EXD2: variants seen among roughly 807,000 people sequenced by gnomAD.
EXD2 encodes the protein exonuclease 3'-5' domain containing 2.
Under a neutral mutation model 62.5 loss-of-function variants are expected in EXD2, and 40 were observed. The ratio of observed to expected loss-of-function variants is 0.64; its 90% CI spans 0.50 to 0.83. EXD2 has a LOEUF of 0.83. EXD2 is among the 40% of genes least tolerant of loss of function. EXD2 has a pLI of 0.00. For missense variants in EXD2, 671 were observed against 761.8 expected, an observed-to-expected ratio of 0.88 and a Z score of 1.40; for synonymous variants, 239 against 291.9, an observed-to-expected ratio of 0.82 and a Z score of 1.85.
intron 1 of EXD2, among the ~76,000 whole-genome samples, chr14:69,196,528 A>G (rs996600144): frequency 3.9e-5 from 6 of 152,098 alleles, no homozygotes; most frequent in Non-Finnish European, 7.4e-5. Flanking sequence ...GCTAGGTTAT[A>G]TAACTGCCAG....
chr14:69,242,206 A>C lies in EXD2; in HGVS notation c.*1106A>C, dbSNP rs1180281271. The C allele has an allele frequency of 5.1e-6, 2 of 395,988 alleles. No homozygotes were observed. The highest frequency in any genetic ancestry group is 4.1e-5 in the African/African-American group (2 of 48,596). The allele number at this position is 395,988 out of a possible 1,614,324, so 24.5% of individuals were successfully genotyped here. ...CTTATTAATGATTAGTAATTTTTCT[A>C]AAGTATTGGGAAAACTTTCTTATTT... On this transcript the variant is annotated 3_prime_UTR_variant, in exon 10 of 10. Coordinates refer to ENST00000685843, the MANE Select transcript of EXD2 (RefSeq NM_001193360.2).
At chr14:69,232,224 A>G (rs1178395642) in intron 5 of EXD2, among the ~76,000 whole-genome samples, 3 of 152,154 alleles carry the variant, frequency 2.0e-5, no homozygotes, top group Non-Finnish European at 4.4e-5. Context: ...GGGGAGGGAT[A>G]GTTGTCTGGC....
intron 1 of EXD2, among the ~76,000 whole-genome samples, chr14:69,192,620 T>TAA (rs1434932808): frequency 6.6e-6 from 1 of 152,208 alleles, no homozygotes; most frequent in African/African-American, 2.4e-5. Flanking sequence ...TCCCACAAAA[T>TAA]AAGAACTGTT....
intron 3 of EXD2, among the ~76,000 whole-genome samples, chr14:69,222,630 A>G (rs79527901): frequency 0.037 from 5,705 of 152,258 alleles, 118 homozygotes; most frequent in African/African-American, 0.06. Flanking sequence ...TATCCACCCC[A>G]GATATTGCAA....
intron 3 of EXD2, 97 bp downstream of exon 3, chr14:69,209,900 G>A (rs1594744077): frequency 1.9e-6 from 2 of 1,033,212 alleles, no homozygotes; most frequent in East Asian, 5.4e-5. Context: ...AAGGTTAAAG[G>A]AGAATGAATT....
chr14:69,192,538 G>A (rs565926753), intron 1 of EXD2, among the ~76,000 whole-genome samples: 3 of 151,626 alleles, frequency 2.0e-5, no homozygotes, highest in East Asian at 3.9e-4. Context: ...TGGTGGTGAG[G>A]GTGGGGAGTG....
rs2042402768 is a variant in EXD2, at chr14:69,201,672, G to GTTTTTTGTTTTTTTTTTTTTT, written c.-131-2239_-131-2238insGTTTTTTTTTTTTTTTTTTTT. On this transcript the variant is annotated intron_variant, in intron 1 of 9. Transcript: ENST00000685843. ...GTCTCTCTCAGCAAGTGTTTTCTCT[G>GTTTTTTGTTTTTTTTTTTTTT]TTTTTTTTTTTTTTTTTTTTTTTTT... Among the ~76,000 whole-genome samples the GTTTTTTGTTTTTTTTTTTTTT allele has an allele frequency of 1.5e-4, 9 of 59,022 alleles. 1 individual carries two copies. Among genetic ancestry groups the GTTTTTTGTTTTTTTTTTTTTT allele is most frequent in the African/African-American group, 6.1e-4 (9 of 14,712 alleles). The allele number at this position is 59,022 out of a possible 152,430, so 38.7% of individuals were successfully genotyped here.
At position 69,209,455 on chromosome 14, in the gene EXD2, AG is replaced by A; in HGVS notation, c.-15del. The A allele has an allele frequency of 6.8e-7, 1 of 1,480,646 alleles. No individual in the cohort carries two copies. Among genetic ancestry groups the A allele is most frequent in the Non-Finnish European group, 9.0e-7 (1 of 1,113,164 alleles). 91.7% of individuals were successfully genotyped at this position (1,480,646 alleles called of 1,614,324 possible). ...GGATTAGTGATATGCTTTTCTAAAG[AG>A]TAGAAAAGTCGAAGATGTCTAGACA... On this transcript the variant is annotated 5_prime_UTR_variant, in exon 3 of 10. Coordinates refer to ENST00000685843, the MANE Select transcript of EXD2 (RefSeq NM_001193360.2).
intron 3 of EXD2, among the ~76,000 whole-genome samples, chr14:69,219,448 T>G (rs993676870): frequency 6.6e-6 from 1 of 152,222 alleles, no homozygotes; most frequent in Non-Finnish European, 1.5e-5. Context: ...GGTGCTGCAG[T>G]AAACATGGGT....
rs188388243 is a variant in EXD2, at chr14:69,193,029, G to A, written c.-132+1438G>A. ...TTAGGAATGCCAAACTGCCACCCAC[G>A]GTGGATAATAATTTCCTCCATTCTC... On this transcript the variant is annotated intron_variant, in intron 1 of 9. Transcript: ENST00000685843. Among the ~76,000 whole-genome samples the A allele has an allele frequency of 3.6e-3, 549 of 151,428 alleles. 11 individuals carry two copies. Among genetic ancestry groups the A allele is most frequent in the Non-Finnish European group, 5.4e-3 (369 of 67,878 alleles).
chr14:69,209,370 T>C (rs1025375655), intron 2 of EXD2, 54 bp from the exon 3 acceptor site: 2 of 960,026 alleles, frequency 2.1e-6, no homozygotes, highest in Non-Finnish European at 2.9e-6. Context: ...AAAACTTGTT[T>C]ATGTAAAGGT....
rs752618975 is a variant in EXD2 at position 69,241,150 on chromosome 14, GAA to G, written c.*51_*52del. ...CAAGTGGGAAGCTGGAGCCAAGGTTGAAGAGTCACCTCTTCCCATTTTAGTAC... is the reference window on the plus strand; with the variant it reads ...CAAGTGGGAAGCTGGAGCCAAGGTTGGAGTCACCTCTTCCCATTTTAGTAC... On this transcript the variant is annotated 3_prime_UTR_variant, in exon 10 of 10. Coordinates refer to ENST00000685843, the MANE Select transcript of EXD2 (RefSeq NM_001193360.2). 2 of 1,514,662 alleles carry G rather than the reference GAA, an allele frequency of 1.3e-6. No homozygotes were observed. The highest frequency in any genetic ancestry group is 1.8e-6 in the Non-Finnish European group (2 of 1,103,652). The allele number at this position is 1,514,662 out of a possible 1,614,324, so 93.8% of individuals were successfully genotyped here. A position where few individuals can be genotyped will look rare whatever the true frequency, so the allele number is the denominator to read the frequency against.
intron 1 of EXD2, among the ~76,000 whole-genome samples, chr14:69,195,772 A>G (rs2042184942): frequency 1.3e-5 from 2 of 152,318 alleles, no homozygotes; most frequent in African/African-American, 4.8e-5. Flanking sequence ...TACAATGTGT[A>G]GTCTTTTGTG....
rs1486748235 is a variant in EXD2 at position 69,241,020 on chromosome 14, C to T, written c.1786C>T (p.Pro596Ser). ...FLDSMQPKHL[P>S]QQWSVDHNHQ... ...GGACTCCATGCAGCCCAAGCACCTGCCCCAGCAGTGGTCAGTGGACCACAA... is the reference window on the plus strand; with the variant it reads ...GGACTCCATGCAGCCCAAGCACCTGTCCCAGCAGTGGTCAGTGGACCACAA... The change falls in exon 10 of 10, where the codon CCC becomes TCC. Residue 596 changes from proline to serine, a missense_variant. Pro to Ser is a moderately conservative substitution (Grantham distance 74). Coordinates refer to ENST00000685843, the MANE Select transcript of EXD2 (RefSeq NM_001193360.2). The T allele has an allele frequency of 1.2e-6, 2 of 1,612,984 alleles. No individual in the cohort carries two copies. Among genetic ancestry groups the T allele is most frequent in the Non-Finnish European group, 1.7e-6 (2 of 1,180,044 alleles).
intron 5 of EXD2, among the ~76,000 whole-genome samples, chr14:69,231,948 T>A (rs2043599372): frequency 6.7e-6 from 1 of 148,978 alleles, no homozygotes; most frequent in South Asian, 2.1e-4. Flanking sequence ...TCAGTAACTG[T>A]CTTTTCTCTC....
intron 3 of EXD2, among the ~76,000 whole-genome samples, chr14:69,218,152 C>T (rs2043047776): frequency 6.6e-6 from 1 of 152,204 alleles, no homozygotes; most frequent in South Asian, 2.1e-4. Context: ...GTCCCACCAA[C>T]AGTGTAAAAG....
At chr14:69,196,956 G>GT in intron 1 of EXD2, among the ~76,000 whole-genome samples, 1 of 152,230 alleles carries the variant, frequency 6.6e-6, no homozygotes, top group East Asian at 1.9e-4. Context: ...CCTACTTGGT[G>GT]TAAAGTGGTA....
intron 3 of EXD2, among the ~76,000 whole-genome samples, chr14:69,211,434 A>G (rs906829236): frequency 6.7e-6 from 1 of 149,846 alleles, no homozygotes; most frequent in African/African-American, 2.5e-5. Flanking sequence ...AAGAGTCCCT[A>G]AGCAGAATGG....
chr14:69,234,983 AC>A lies in EXD2; in HGVS notation c.1005del (p.Arg336GlufsTer53). On this transcript the variant is annotated frameshift_variant, in exon 6 of 10. Transcript: ENST00000685843. LOFTEE classifies it high-confidence loss of function. ...GTGCCAGGCAACCACCAAGGGAGAG[AC>A]CCCAGAAAACATAAAAGAAAGCCTC... ...GMVPGNHQGRDPRKHKRKPLG... is the reference protein window; with the variant it reads ...GMVPGNHQGRXPRKHKRKPLG... The A allele has an allele frequency of 6.2e-7, 1 of 1,608,864 alleles. No individual in the cohort carries two copies. Among genetic ancestry groups the A allele is most frequent in the Non-Finnish European group, 8.5e-7 (1 of 1,178,272 alleles).
Sources: allele counts gnomAD v4.1 joint callset (sites outside exome capture counted in the v4.1 genomes callset), GRCh38; gene constraint gnomAD v4.1.1; transcripts MANE v1.5; gene names NCBI Gene and HGNC (gene_info 2026-07-23, HGNC 2026-07-21).